The following RFX7 variants were observed in gnomAD, a reference collection of about 807,000 sequenced individuals.
The protein encoded by RFX7 is DNA-binding protein RFX7.
In RFX7, 26 loss-of-function variants were observed where a neutral mutation model predicts 111.8. That is an observed-to-expected ratio of 0.23 (90% CI 0.17 to 0.32). The LOEUF (loss-of-function observed/expected upper bound fraction) is 0.32. Among genes scored for constraint, RFX7 ranks in the 10% least tolerant of loss-of-function variants. RFX7 has a pLI of 1.00. For missense variants in RFX7, 1,573 were observed against 1,772.9 expected (o/e 0.89, Z 2.02); for synonymous variants, 624 against 624.4 (o/e 1.00, Z 0.01).
At position 56,199,587 on chromosome 15, in the gene RFX7, A is replaced by G. The variant is rs552699741; in HGVS notation, c.162-20284T>C. On this transcript the variant is annotated intron_variant, in intron 2 of 9. Coordinates refer to ENST00000559447, the MANE Select transcript of RFX7 (RefSeq NM_022841.7). ...AGAGTCAACAGGATTCAAATATGTC[A>G]AATAACAGGAAAGCATTTGCACATA... Among the ~76,000 whole-genome samples the G allele has an allele frequency of 1.5e-4, 23 of 152,298 alleles. 1 individual carries two copies. In the East Asian group the frequency reaches 4.0e-3, roughly 27 times the overall value.
rs756263214 is a variant in RFX7 at position 56,096,546 on chromosome 15, A to G, written c.1182T>C (p.Asn394=). Residue 394 remains asparagine (N), a synonymous_variant, in exon 10 of 10, where the codon AAT becomes AAC. Transcript: ENST00000559447. ...SSSDGKVLPL[N]VQVVTQHMQS... ...GCATGTGCTGAGTGACCACCTGTACATTGAGGGGAAGAACTTTGCCGTCAG... is the reference window on the plus strand; with the variant it reads ...GCATGTGCTGAGTGACCACCTGTACGTTGAGGGGAAGAACTTTGCCGTCAG... 3.7e-6 allele frequency: 6 copies of G among 1,600,840 alleles called. No homozygotes were observed. The highest frequency in any genetic ancestry group is 1.7e-5 in the Admixed American group (1 of 57,840).
intron 5 of RFX7, among the ~76,000 whole-genome samples, chr15:56,135,004 C>G (rs1349718028): frequency 1.3e-5 from 2 of 148,872 alleles, no homozygotes; most frequent in African/African-American, 5.0e-5. Flanking sequence ...TTTCTTAATC[C>G]GGTCTATCAT....
At chr15:56,225,816 T>C (rs540425845) in intron 2 of RFX7, among the ~76,000 whole-genome samples, 1 of 152,324 alleles carries the variant, frequency 6.6e-6, no homozygotes, top group South Asian at 2.1e-4. Context: ...TAATAATATT[T>C]TTATATCAAA....
intron 2 of RFX7, among the ~76,000 whole-genome samples, chr15:56,188,271 A>AT (rs1423171162): frequency 1.2e-4 from 19 of 152,294 alleles, no homozygotes; most frequent in African/African-American, 4.6e-4. Flanking sequence ...TGAAGAAAAG[A>AT]TTTTTTAAAA....
rs751499593 is a variant in RFX7 at position 56,243,508 on chromosome 15, C to G, written c.-66G>C. 974 of 984,964 alleles carry G rather than the reference C, an allele frequency of 9.9e-4. No individual in the cohort carries two copies. Among genetic ancestry groups the G allele is most frequent in the South Asian group, 1.1e-3 (24 of 21,272 alleles). The allele number at this position is 984,964 out of a possible 1,614,324, so 61.0% of individuals were successfully genotyped here. ...GGAACATCACCGGGGAGACCAGCGGCTCCTCACGGCCGGGGCGCTTCACCG... is the reference window on the plus strand; with the variant it reads ...GGAACATCACCGGGGAGACCAGCGGGTCCTCACGGCCGGGGCGCTTCACCG... On this transcript the variant is annotated 5_prime_UTR_variant, in exon 1 of 10. Transcript: ENST00000559447.
intron 5 of RFX7, among the ~76,000 whole-genome samples, chr15:56,123,123 A>G (rs1028518944): frequency 2.0e-5 from 3 of 152,072 alleles, no homozygotes; most frequent in African/African-American, 4.8e-5. Context: ...TTTTCCAACC[A>G]GAAGTCTTGC....
At chr15:56,228,977 T>G (rs928594874) in intron 2 of RFX7, among the ~76,000 whole-genome samples, 4 of 152,196 alleles carry the variant, frequency 2.6e-5, no homozygotes, top group African/African-American at 7.2e-5. Context: ...TTATAATACA[T>G]AGTAAAATAA....
chr15:56,230,363 G>A (rs1320728134), intron 2 of RFX7, among the ~76,000 whole-genome samples: 1 of 152,146 alleles, frequency 6.6e-6, no homozygotes, highest in Non-Finnish European at 1.5e-5. Flanking sequence ...ATGGGATTGG[G>A]AAAACTGAAA....
Position 56,102,193 on chromosome 15 carries a change from A to T in RFX7, c.579T>A (p.Leu193=). ...AFVHMPTLPN[L]DFHKTGDGLE... Reference sequence around the variant, plus strand: ...CCCCATCTCCAGTTTTGTGAAAGTCAAGGTTGGGCAGTGTTGGCATATGAA... The same window carrying T: ...CCCCATCTCCAGTTTTGTGAAAGTCTAGGTTGGGCAGTGTTGGCATATGAA... Residue 193 remains leucine (L), a synonymous_variant, in exon 7 of 10, where the codon CTT becomes CTA. Transcript: ENST00000559447. 6.2e-7 allele frequency: 1 copy of T among 1,612,614 alleles called. No homozygotes were observed. The highest frequency in any genetic ancestry group is 1.7e-5 in the Admixed American group (1 of 59,852).
At chr15:56,168,487 G>A (rs1345288671) in intron 3 of RFX7, among the ~76,000 whole-genome samples, 1 of 152,176 alleles carries the variant, frequency 6.6e-6, no homozygotes, top group Non-Finnish European at 1.5e-5. Flanking sequence ...AACAAATTAA[G>A]CTGGCGATAG....
intron 4 of RFX7, 97 bp from the exon 5 acceptor site, chr15:56,142,997 T>G (rs1246912500): frequency 1.3e-5 from 18 of 1,352,476 alleles, no homozygotes; most frequent in Non-Finnish European, 1.8e-5. Context: ...TGTATACAAA[T>G]ACACTATCAA....
chr15:56,200,787 G>A lies in RFX7; in HGVS notation c.162-21484C>T, dbSNP rs1454903780. Among the ~76,000 whole-genome samples the A allele has an allele frequency of 5.3e-5, 8 of 151,870 alleles. No homozygotes were observed. The East Asian group carries it at 1.2e-3, about 22-fold the overall frequency. ...GCACTCCAGCCTGGCAAGCCTCGCC[G>A]TCTCAAAAAGAAAAAAAAAGAAAAA... On this transcript the variant is annotated intron_variant, in intron 2 of 9. Transcript: ENST00000559447.
chr15:56,163,367 A>C (rs2141090727), intron 3 of RFX7, among the ~76,000 whole-genome samples: 1 of 152,286 alleles, frequency 6.6e-6, no homozygotes, highest in South Asian at 2.1e-4. Flanking sequence ...TCTGTTTCTC[A>C]GGAACACTTT....
chr15:56,195,310 T>C (rs2043137503), intron 2 of RFX7, among the ~76,000 whole-genome samples: 2 of 152,198 alleles, frequency 1.3e-5, no homozygotes, highest in South Asian at 2.1e-4. Context: ...AAAATGTTCT[T>C]GAACTAGATA....
intron 2 of RFX7, among the ~76,000 whole-genome samples, chr15:56,185,111 T>G (rs2141148037): frequency 6.6e-6 from 1 of 152,328 alleles, no homozygotes; most frequent in Middle Eastern, 3.4e-3. Flanking sequence ...GACTTTATCT[T>G]TCTATTCCTG....
intron 3 of RFX7, among the ~76,000 whole-genome samples, chr15:56,152,510 A>C (rs2042585488): frequency 6.6e-6 from 1 of 152,158 alleles, no homozygotes; most frequent in Admixed American, 6.6e-5. Context: ...ACCAATGAGA[A>C]TGAGACACAA....
rs1220207778 is a variant in RFX7 at position 56,096,081 on chromosome 15, A to C, written c.1647T>G (p.Pro549=). Residue 549 remains proline, a synonymous_variant, in exon 10 of 10, where the codon CCT becomes CCG. Coordinates refer to ENST00000559447, the MANE Select transcript of RFX7 (RefSeq NM_022841.7). ...VEPETSSDEH[P]VQCQENSDEA... ...CATCAGAGTTCTCTTGGCACTGTAC[A>C]GGATGCTCATCTGATGATGTTTCGG... is the stretch of plus-strand genomic sequence containing the variant. 1 of 1,613,650 alleles carries C rather than the reference A, an allele frequency of 6.2e-7. No individual in the cohort carries two copies. The highest frequency in any genetic ancestry group is 8.5e-7 in the Non-Finnish European group (1 of 1,179,746).
chr15:56,115,725 T>A (rs1421883751), intron 5 of RFX7, among the ~76,000 whole-genome samples: 1 of 152,022 alleles, frequency 6.6e-6, no homozygotes, highest in Admixed American at 6.6e-5. Flanking sequence ...GATCATGAGA[T>A]CAGGAGATTG....
intron 2 of RFX7, among the ~76,000 whole-genome samples, chr15:56,239,977 G>A (rs1191851978): frequency 1.5e-5 from 2 of 134,930 alleles, no homozygotes; most frequent in African/African-American, 5.4e-5. Flanking sequence ...AACTTGCTTT[G>A]GTATTTCTTT....
Sources: gnomAD v4.1 joint callset for allele counts (sites outside exome capture counted in the v4.1 genomes callset) on GRCh38, gnomAD v4.1.1 for gene constraint, MANE v1.5 for transcripts, NCBI Gene and HGNC (gene_info 2026-07-23, HGNC 2026-07-21) for gene names.